The following SGCZ variants were observed in gnomAD, a reference collection of about 807,000 sequenced individuals.
SGCZ encodes zeta-sarcoglycan.
SGCZ carries 40 observed loss-of-function variants against 41.3 expected under a neutral mutation model. The ratio of observed to expected loss-of-function variants is 0.97; its 90% CI spans 0.75 to 1.26. The LOEUF (loss-of-function observed/expected upper bound fraction) is 1.26. SGCZ is among the 50% of genes most tolerant of loss of function. SGCZ has a pLI of 0.00. For synonymous variants in SGCZ, 206 were observed against 137.5 expected (o/e 1.50, Z -3.49); for missense variants, 552 against 369.8 (o/e 1.49, Z -4.04).
chr8:14,430,605 G>C (rs1799917118), intron 2 of SGCZ, among the ~76,000 whole-genome samples: 1 of 152,094 alleles, frequency 6.6e-6, no homozygotes, highest in Admixed American at 6.5e-5. Context: ...ATGGGGAAAA[G>C]TTGAAAACGT....
At chr8:15,034,233 T>A (rs1005898149) in intron 1 of SGCZ, among the ~76,000 whole-genome samples, 19 of 151,934 alleles carry the variant, frequency 1.3e-4, no homozygotes, top group African/African-American at 4.6e-4. Flanking sequence ...AGGGAAATAA[T>A]AAGTGGCCAA....
intron 1 of SGCZ, among the ~76,000 whole-genome samples, chr8:15,016,514 C>T (rs535289668): frequency 3.3e-5 from 5 of 152,248 alleles, no homozygotes; most frequent in Non-Finnish European, 2.9e-5. Flanking sequence ...AAGAATAAAG[C>T]GACTTCTTCC....
intron 1 of SGCZ, among the ~76,000 whole-genome samples, chr8:15,128,518 T>C (rs1403428836): frequency 1.3e-5 from 2 of 152,204 alleles, no homozygotes; most frequent in Non-Finnish European, 2.9e-5. Context: ...TGATTGTCCC[T>C]CCAGACTCTC....
chr8:15,003,169 G>A (rs1802487993), intron 1 of SGCZ, among the ~76,000 whole-genome samples: 1 of 152,080 alleles, frequency 6.6e-6, no homozygotes, highest in Non-Finnish European at 1.5e-5. Flanking sequence ...AAAGATTTCT[G>A]CCAAGAGATA....
intron 3 of SGCZ, among the ~76,000 whole-genome samples, chr8:14,261,118 A>C (rs1261798571): frequency 1.3e-5 from 2 of 152,250 alleles, no homozygotes; most frequent in African/African-American, 4.8e-5. Context: ...AAAAGAAAAC[A>C]AAAACACATT....
intron 1 of SGCZ, among the ~76,000 whole-genome samples, chr8:14,873,577 G>A (rs59027009): frequency 0.32 from 48,258 of 151,842 alleles, 9,188 homozygotes; most frequent in East Asian, 0.58. Context: ...TGCATTTTCA[G>A]AGGTAAAGCA....
chr8:14,647,634 T>C lies in SGCZ; in HGVS notation c.40-92708A>G, dbSNP rs908594540. On this transcript the variant is annotated intron_variant, in intron 1 of 7. Coordinates refer to ENST00000382080, the MANE Select transcript of SGCZ (RefSeq NM_139167.4). ...AAATTATTAAATTAATATTAAAACA[T>C]AGAATAAATTAGTTTGTTCATTCTA... Among the ~76,000 whole-genome samples the C allele has an allele frequency of 2.0e-5, 3 of 152,034 alleles. 1 individual carries two copies. Among genetic ancestry groups the C allele is most frequent in the East Asian group, 3.9e-4 (2 of 5,182 alleles).
intron 2 of SGCZ, among the ~76,000 whole-genome samples, chr8:14,454,222 C>G (rs1331835845): frequency 2.0e-5 from 3 of 152,118 alleles, no homozygotes; most frequent in Admixed American, 2.0e-4. Context: ...GTTGATTGGT[C>G]TGCTTTACCA....
intron 1 of SGCZ, among the ~76,000 whole-genome samples, chr8:14,748,449 T>G (rs1456300593): frequency 6.6e-6 from 1 of 152,184 alleles, no homozygotes; most frequent in Non-Finnish European, 1.5e-5. Context: ...TCTTCGAATG[T>G]CAGAGCAAGA....
chr8:14,419,934 A>T (rs1354636909), intron 2 of SGCZ, among the ~76,000 whole-genome samples: 1 of 152,070 alleles, frequency 6.6e-6, no homozygotes, highest in African/African-American at 2.4e-5. Context: ...CCCCCATGTC[A>T]TTACAGAACA....
intron 1 of SGCZ, among the ~76,000 whole-genome samples, chr8:15,220,802 G>A (rs998624163): frequency 2.0e-5 from 3 of 152,082 alleles, no homozygotes; most frequent in Non-Finnish European, 4.4e-5. Flanking sequence ...AGAAAATGTG[G>A]CACATATACA....
intron 2 of SGCZ, among the ~76,000 whole-genome samples, chr8:14,492,662 C>T (rs1326146003): frequency 1.3e-5 from 2 of 152,156 alleles, no homozygotes; most frequent in African/African-American, 4.8e-5. Flanking sequence ...GATCTCAAGG[C>T]CACTGCTACC....
At chr8:14,571,134 G>C (rs192277621) in intron 1 of SGCZ, among the ~76,000 whole-genome samples, 2 of 152,226 alleles carry the variant, frequency 1.3e-5, no homozygotes, top group African/African-American at 2.4e-5. Flanking sequence ...TTGGTGGAAG[G>C]TGAAGGAGAA....
chr8:15,059,112 GT>G (rs1367608403), intron 1 of SGCZ, among the ~76,000 whole-genome samples: 1 of 151,956 alleles, frequency 6.6e-6, no homozygotes, highest in Non-Finnish European at 1.5e-5. Flanking sequence ...GTTACGATAT[GT>G]TTCCTGTTTG....
At chr8:14,988,835 T>C (rs1186447756) in intron 1 of SGCZ, among the ~76,000 whole-genome samples, 1 of 152,194 alleles carries the variant, frequency 6.6e-6, no homozygotes, top group Non-Finnish European at 1.5e-5. Flanking sequence ...AGAAAACTGC[T>C]ACCCTCATTT....
rs144092854 is a variant in SGCZ at position 14,680,691 on chromosome 8, G to A, written c.40-125765C>T. Among the ~76,000 whole-genome samples, 572 of 150,994 alleles carry A rather than the reference G, an allele frequency of 3.8e-3. 7 individuals carry two copies. The highest frequency in any genetic ancestry group is 0.014 in the African/African-American group (554 of 40,616). ...ATTGTACGGAGCAAGAAATCTCACAGATATAATTAGTGAAAAAATACATTA... is the reference window on the plus strand; with the variant it reads ...ATTGTACGGAGCAAGAAATCTCACAAATATAATTAGTGAAAAAATACATTA... On this transcript the variant is annotated intron_variant, in intron 1 of 7. Coordinates refer to ENST00000382080, the MANE Select transcript of SGCZ (RefSeq NM_139167.4).
chr8:14,212,044 T>A (rs1805826581), intron 4 of SGCZ, among the ~76,000 whole-genome samples: 1 of 152,240 alleles, frequency 6.6e-6, no homozygotes, highest in East Asian at 1.9e-4. Flanking sequence ...TATCTGCTAT[T>A]CTGTATGATT....
intron 2 of SGCZ, among the ~76,000 whole-genome samples, chr8:14,518,912 TAC>T (rs1802706018): frequency 1.4e-5 from 1 of 73,578 alleles, no homozygotes; most frequent in Admixed American, 1.3e-4. Flanking sequence ...AAAAAAAAAA[TAC>T]AAAAATTAGC....
chr8:14,331,945 A>G (rs1381601485), intron 2 of SGCZ, among the ~76,000 whole-genome samples: 1 of 151,898 alleles, frequency 6.6e-6, no homozygotes, highest in Admixed American at 6.6e-5. Context: ...ACTTATGAAA[A>G]GACACACATA....
Sources: gnomAD v4.1 joint callset for allele counts (sites outside exome capture counted in the v4.1 genomes callset) on GRCh38, gnomAD v4.1.1 for gene constraint, MANE v1.5 for transcripts, NCBI Gene and HGNC (gene_info 2026-07-23, HGNC 2026-07-21) for gene names.